Variants in ATRNL1 observed in about 807,000 individuals in gnomAD.
ATRNL1 encodes the protein attractin like 1, also known as attractin-like protein 1.
ATRNL1 carries 95 observed loss-of-function variants against 182.7 expected under a neutral mutation model. That is an observed-to-expected ratio of 0.52 (90% CI 0.44 to 0.62). The LOEUF (loss-of-function observed/expected upper bound fraction) is 0.62. Among genes scored for constraint, ATRNL1 ranks in the 20% least tolerant of loss-of-function variants. ATRNL1 has a pLI of 0.00. For missense variants in ATRNL1, 1,471 were observed against 1,679.5 expected, an observed-to-expected ratio of 0.88 and a Z score of 2.17; for synonymous variants, 576 against 568.3, an observed-to-expected ratio of 1.01 and a Z score of -0.19.
intron 26 of ATRNL1, among the ~76,000 whole-genome samples, chr10:115,688,810 T>A (rs187471834): frequency 6.6e-6 from 1 of 152,266 alleles, no homozygotes; most frequent in Non-Finnish European, 1.5e-5. Flanking sequence ...AACTTTTAAA[T>A]TTAGTATTAT....
intron 26 of ATRNL1, among the ~76,000 whole-genome samples, chr10:115,691,613 T>C (rs180772737): frequency 1.5e-3 from 229 of 152,140 alleles, no homozygotes; most frequent in Non-Finnish European, 2.7e-3. Context: ...TCCCAGCTAT[T>C]TGGGAGGCTG....
chr10:115,729,139 T>C (rs1452554446), intron 27 of ATRNL1, among the ~76,000 whole-genome samples: 1 of 152,194 alleles, frequency 6.6e-6, no homozygotes, highest in Non-Finnish European at 1.5e-5. Context: ...CACCATAGTT[T>C]GTCAGTTGCA....
chr10:115,826,884 G>A (rs1419773297), intron 27 of ATRNL1, among the ~76,000 whole-genome samples: 1 of 152,190 alleles, frequency 6.6e-6, no homozygotes, highest in Non-Finnish European at 1.5e-5. Context: ...TCTCACTCTA[G>A]TTCATGGACT....
intron 5 of ATRNL1, among the ~76,000 whole-genome samples, chr10:115,130,884 C>G (rs563884298): frequency 1.3e-5 from 2 of 152,216 alleles, no homozygotes; most frequent in East Asian, 3.9e-4. Context: ...TTTCAGCAGT[C>G]TTAAAAGCAA....
At chr10:115,403,842 G>A (rs1318882662) in intron 20 of ATRNL1, among the ~76,000 whole-genome samples, 2 of 152,162 alleles carry the variant, frequency 1.3e-5, no homozygotes, top group Non-Finnish European at 2.9e-5. Flanking sequence ...TTGTGATAAT[G>A]AGTTAAGCAG....
chr10:115,312,224 G>C (rs1554928076), intron 17 of ATRNL1, among the ~76,000 whole-genome samples: 1 of 152,056 alleles, frequency 6.6e-6, no homozygotes, highest in East Asian at 1.9e-4. Flanking sequence ...ACTTTCAAGA[G>C]GTTCTATTCT....
At chr10:115,590,759 A>G (rs1221513444) in intron 26 of ATRNL1, among the ~76,000 whole-genome samples, 2 of 152,210 alleles carry the variant, frequency 1.3e-5, no homozygotes, top group Non-Finnish European at 1.5e-5. Context: ...GAAACAGAAC[A>G]AGATAATCAT....
At chr10:115,719,099 G>T (rs929708040) in intron 26 of ATRNL1, among the ~76,000 whole-genome samples, 3 of 151,962 alleles carry the variant, frequency 2.0e-5, no homozygotes, top group African/African-American at 4.8e-5. Context: ...TTTTAAAAAC[G>T]ATGAAAGAAA....
At chr10:115,772,791 A>G (rs1949028153) in intron 27 of ATRNL1, among the ~76,000 whole-genome samples, 1 of 152,176 alleles carries the variant, frequency 6.6e-6, no homozygotes, top group East Asian at 1.9e-4. Context: ...ACTCAAGGCC[A>G]AAGAGTACAT....
At chr10:115,384,538 T>C (rs1858224601) in intron 19 of ATRNL1, among the ~76,000 whole-genome samples, 1 of 152,110 alleles carries the variant, frequency 6.6e-6, no homozygotes, top group African/African-American at 2.4e-5. Flanking sequence ...AAAGCAGTCA[T>C]GTATACTATC....
intron 28 of ATRNL1, among the ~76,000 whole-genome samples, chr10:115,917,256 G>A (rs1230741426): frequency 1.3e-5 from 2 of 151,974 alleles, no homozygotes; most frequent in Non-Finnish European, 2.9e-5. Flanking sequence ...CACGAGGTCA[G>A]GAGATCGAGA....
At chr10:115,805,752 A>G (rs1555085547) in intron 27 of ATRNL1, among the ~76,000 whole-genome samples, 1 of 152,140 alleles carries the variant, frequency 6.6e-6, no homozygotes, top group East Asian at 1.9e-4. Flanking sequence ...TGTATCTGGT[A>G]TGTTTGTCAC....
intron 27 of ATRNL1, among the ~76,000 whole-genome samples, chr10:115,770,813 C>T (rs1341207884): frequency 2.6e-5 from 4 of 152,096 alleles, no homozygotes; most frequent in Admixed American, 2.0e-4. Context: ...TTGCATTGCT[C>T]ATCTCATTCT....
At chr10:115,661,151 A>G (rs1311394517) in intron 26 of ATRNL1, among the ~76,000 whole-genome samples, 1 of 152,098 alleles carries the variant, frequency 6.6e-6, no homozygotes, top group Non-Finnish European at 1.5e-5. Flanking sequence ...TAGTTTTAGG[A>G]AAAAGGAATA....
chr10:115,384,660 C>T (rs1182909017), intron 19 of ATRNL1, among the ~76,000 whole-genome samples: 2 of 151,636 alleles, frequency 1.3e-5, no homozygotes, highest in Admixed American at 6.6e-5. Context: ...TTTTCTTCAA[C>T]CATTAAACAT....
intron 20 of ATRNL1, among the ~76,000 whole-genome samples, chr10:115,419,024 A>T (rs1346052798): frequency 6.6e-6 from 1 of 152,204 alleles, no homozygotes; most frequent in African/African-American, 2.4e-5. Flanking sequence ...TATAAACCAC[A>T]TTTATCTTTG....
At chr10:115,874,695 A>C (rs1438021715) in intron 28 of ATRNL1, among the ~76,000 whole-genome samples, 1 of 152,196 alleles carries the variant, frequency 6.6e-6, no homozygotes, top group African/African-American at 2.4e-5. Flanking sequence ...GAGATTTCCA[A>C]GTGATAGAAA....
At chr10:115,466,759 C>T (rs925274011) in intron 22 of ATRNL1, among the ~76,000 whole-genome samples, 1 of 151,008 alleles carries the variant, frequency 6.6e-6, no homozygotes, top group Non-Finnish European at 1.5e-5. Context: ...AAGAAGAAGT[C>T]TTTTAAAAAA....
At chr10:115,582,084 T>A (rs1483852251) in intron 26 of ATRNL1, among the ~76,000 whole-genome samples, 2 of 152,078 alleles carry the variant, frequency 1.3e-5, no homozygotes, top group Admixed American at 1.3e-4. Context: ...TCATCATTTT[T>A]TATGGCTGCA....
Sources: gnomAD v4.1 joint callset for allele counts (sites outside exome capture counted in the v4.1 genomes callset) on GRCh38, gnomAD v4.1.1 for gene constraint, MANE v1.5 for transcripts, NCBI Gene and HGNC (gene_info 2026-07-23, HGNC 2026-07-21) for gene names.